Variants in RFX1 observed in about 807,000 individuals in gnomAD.
The protein encoded by RFX1 is regulatory factor X1.
RFX1 carries 42 observed loss-of-function variants against 119.6 expected under a neutral mutation model. The ratio of observed to expected loss-of-function variants is 0.35; its 90% CI spans 0.27 to 0.45. The LOEUF (loss-of-function observed/expected upper bound fraction) is 0.45, where lower values mean the gene tolerates loss of function less well. Among genes scored for constraint, RFX1 ranks in the 20% least tolerant of loss-of-function variants. The pLI is 1.00. For missense variants in RFX1, 1,118 were observed against 1,368.1 expected, an observed-to-expected ratio of 0.82 and a Z score of 2.88; for synonymous variants, 628 against 618.5, an observed-to-expected ratio of 1.02 and a Z score of -0.23.
Position 13,991,026 on chromosome 19 carries a change from T to G in RFX1, c.319+2499A>C, listed in dbSNP as rs77306519. On this transcript the variant is annotated intron_variant, in intron 2 of 20. Transcript: ENST00000254325. ...AAACAAAATGGGTGCTGTTCCACCT[T>G]GATGGGTGGATGGGAAGATCTGCAA... Among the ~76,000 whole-genome samples, 1,052 of 152,228 alleles carry G rather than the reference T, an allele frequency of 6.9e-3. 48 individuals carry two copies. The highest frequency in any genetic ancestry group is 0.062 in the Admixed American group (951 of 15,280).
At chr19:13,983,392 G>A in intron 3 of RFX1, 94 bp downstream of exon 3, 1 of 1,244,324 alleles carries the variant, frequency 8.0e-7, no homozygotes. Flanking sequence ...GGCTCCAGCA[G>A]GAAGCGGGGA....
At chr19:13,975,624 G>A (rs1328764071) in intron 8 of RFX1, among the ~76,000 whole-genome samples, 1 of 152,206 alleles carries the variant, frequency 6.6e-6, no homozygotes, top group Non-Finnish European at 1.5e-5. Flanking sequence ...ACCTGAGCAA[G>A]AGCCCCTACT....
intron 8 of RFX1, among the ~76,000 whole-genome samples, chr19:13,976,798 C>G (rs1019529098): frequency 6.6e-6 from 1 of 150,956 alleles, no homozygotes; most frequent in African/African-American, 2.4e-5. Context: ...TCCAAGAGTT[C>G]GAGGAGATGA....
chr19:13,983,003 T>C, intron 4 of RFX1, 184 bp downstream of exon 4: 1 of 583,136 alleles, frequency 1.7e-6, no homozygotes, highest in East Asian at 2.9e-5. Context: ...CCTCTGTCCC[T>C]GATGGCCCCT....
In RFX1 at chr19:13,986,591, G is replaced by A. The variant is rs749753471; in HGVS notation, c.320-2996C>T. ...AAGTGGGGGGTGGCACTGAGTCTGCGAGCGAGCGTCTGCATCTATCTGCCG... is the reference window on the plus strand; with the variant it reads ...AAGTGGGGGGTGGCACTGAGTCTGCAAGCGAGCGTCTGCATCTATCTGCCG... On this transcript the variant is annotated intron_variant, in intron 2 of 20. Coordinates refer to ENST00000254325, the MANE Select transcript of RFX1 (RefSeq NM_002918.5). The surrounding 1 kb of genome is among the most constrained non-coding windows in gnomAD (Gnocchi z 4.2). 9.2e-5 allele frequency among the ~76,000 whole-genome samples: 14 copies of A among 152,150 alleles called. No individual in the cohort carries two copies. Among genetic ancestry groups the A allele is most frequent in the Admixed American group, 4.6e-4 (7 of 15,278 alleles).
Position 13,968,754 on chromosome 19 carries a change from G to C in RFX1, c.1616+21C>G. 1 of 1,607,166 alleles carries C rather than the reference G, an allele frequency of 6.2e-7. No homozygotes were observed. Among genetic ancestry groups the C allele is most frequent in the Non-Finnish European group, 8.5e-7 (1 of 1,177,254 alleles). On this transcript the variant is annotated intron_variant, in intron 11 of 20. Transcript: ENST00000254325. The surrounding 1 kb of genome is among the most constrained non-coding windows in gnomAD (Gnocchi z 5.5). ...GCCCTTCCCCGCCTGCCCTGCCCTG[G>C]GTCCGGCCCTGCCTTCCTACCTCTG...
At position 13,965,457 on chromosome 19, in the gene RFX1, G is replaced by C. The variant is rs758801717; in HGVS notation, c.2203C>G (p.Arg735Gly). ...CCCCCTCACACTCTCACCTTCACCC[G>C]CAGCATCTCCTCGGGGATGTTGACC... ...AMVNIPEEML[R>G]VKVAAAGAFA... is the part of the protein sequence containing the mutation. Residue 735 changes from arginine to glycine, a missense_variant, in exon 16 of 21, where the codon CGG becomes GGG. Physicochemically the swap from Arg to Gly is moderately radical, Grantham distance 125. Around this residue, in one of 5 missense-constraint regions of RFX1, gnomAD observed 338 missense variants for 508.9 expected, o/e 0.66. Transcript: ENST00000254325. This position sits in a 1 kb window ranked among gnomAD's most constrained non-coding sequence, Gnocchi z 4.7. 6.2e-7 allele frequency: 1 copy of C among 1,613,586 alleles called. No individual in the cohort carries two copies. The highest frequency in any genetic ancestry group is 2.2e-5 in the East Asian group (1 of 44,876).
At chr19:13,970,661 CAAAAAAAAAAAAAAA>C (rs1167910642) in intron 9 of RFX1, among the ~76,000 whole-genome samples, 87 of 25,820 alleles carry the variant, frequency 3.4e-3, no homozygotes, top group South Asian at 0.02. Flanking sequence ...GACCTTGTCT[CAAAAAAAAAAAAAAA>C]AAAAAAAAAA....
At position 13,986,200 on chromosome 19, in the gene RFX1, C is replaced by A. The variant is rs1974588500; in HGVS notation, c.320-2605G>T. Among the ~76,000 whole-genome samples, 1 of 152,184 alleles carries A rather than the reference C, an allele frequency of 6.6e-6. No individual in the cohort carries two copies. Among genetic ancestry groups the A allele is most frequent in the Non-Finnish European group, 1.5e-5 (1 of 68,026 alleles). On this transcript the variant is annotated intron_variant, in intron 2 of 20. Coordinates refer to ENST00000254325, the MANE Select transcript of RFX1 (RefSeq NM_002918.5). This position sits in a 1 kb window ranked among gnomAD's most constrained non-coding sequence, Gnocchi z 4.2. Reference sequence around the variant, plus strand: ...CCAGCCTAAGGGATGGTGTCTCACCCAGGAAGCTCAAGGTGGGCAGGGAGT... The same window carrying A: ...CCAGCCTAAGGGATGGTGTCTCACCAAGGAAGCTCAAGGTGGGCAGGGAGT...
Position 13,966,522 on chromosome 19 carries a change from G to A in RFX1, c.1860C>T (p.Val620=), listed in dbSNP as rs530614498. 20 of 1,569,236 alleles carry A rather than the reference G, an allele frequency of 1.3e-5. No individual in the cohort carries two copies. Among genetic ancestry groups the A allele is most frequent in the African/African-American group, 2.7e-5 (2 of 73,668 alleles). The stretch of plus-strand genomic sequence containing the variant: ...TGAACTGCAGGTTCACCATGACGTC[G>A]ACAATGGCCTGTGGCAGAGGCGGAT... The part of the protein sequence containing the change: ...VLYREHCEAI[V]DVMVNLQFTL... Residue 620 remains valine (V), a synonymous_variant, in exon 14 of 21, where the codon GTC becomes GTT. Transcript: ENST00000254325. The surrounding 1 kb of genome is among the most constrained non-coding windows in gnomAD (Gnocchi z 6.3).
chr19:13,981,928 A>G (rs1974441627), intron 5 of RFX1, among the ~76,000 whole-genome samples, 193 bp downstream of exon 5: 1 of 152,234 alleles, frequency 6.6e-6, no homozygotes, highest in South Asian at 2.1e-4. Flanking sequence ...TGGCAGGGCC[A>G]GGAATTGGGC....
intron 1 of RFX1, chr19:13,998,223 A>G (rs1404439540): frequency 6.6e-6 from 1 of 152,144 alleles, no homozygotes; most frequent in African/African-American, 2.4e-5. Context: ...GGTGGCTCAC[A>G]CCTATAATTC....
chr19:13,972,849 G>A lies in RFX1; in HGVS notation c.1208C>T (p.Thr403Ile), dbSNP rs767683838. ...GCCTGCTCCGCTGCCGCCGCCTCCG[G>A]TGCTGCCACTGCCACCCCCGCCACC... ...GGGGGGGSGSTGGGGSGAGTY... is the reference protein window; with the variant it reads ...GGGGGGGSGSIGGGGSGAGTY... The change falls in exon 9 of 21, where the codon ACC becomes ATC. Residue 403 changes from threonine to isoleucine, a missense_variant. This residue lies in a region of RFX1 where 542 missense variants were observed against 602.7 expected (regional missense o/e 0.90). Transcript: ENST00000254325. 1.3e-6 allele frequency: 2 copies of A among 1,576,208 alleles called. No individual in the cohort carries two copies. The highest frequency in any genetic ancestry group is 1.7e-6 in the Non-Finnish European group (2 of 1,164,206).
intron 1 of RFX1, among the ~76,000 whole-genome samples, chr19:14,004,235 C>A (rs962050386): frequency 6.0e-5 from 9 of 150,464 alleles, no homozygotes; most frequent in Non-Finnish European, 1.3e-4. Flanking sequence ...GCTAGCCGGG[C>A]GCGGTGGCTC....
rs1411646110 is a variant in RFX1, at chr19:13,963,146, C to T, written c.2700G>A (p.Glu900=). The change falls in exon 19 of 21, where the codon GAG becomes GAA. Residue 900 remains glutamate, a synonymous_variant. Transcript: ENST00000254325. The stretch of plus-strand genomic sequence containing the variant: ...CCTCGCCCATGACGGCGATGGGGGT[C>T]TCGCCCTTGGCCTGGGCTACGCGGT... The part of the protein sequence containing the change: ...IEHRVAQAKG[E]TPIAVMGEFA... The T allele has an allele frequency of 1.2e-6, 2 of 1,612,130 alleles. No homozygotes were observed. The highest frequency in any genetic ancestry group is 2.2e-5 in the East Asian group (1 of 44,794).
intron 1 of RFX1, among the ~76,000 whole-genome samples, chr19:14,002,463 C>T (rs770658224): frequency 1.7e-4 from 25 of 151,324 alleles, no homozygotes; most frequent in Non-Finnish European, 2.7e-4. Context: ...CCATCCTGGG[C>T]GACAGAGTAG....
chr19:13,976,289 G>A (rs1453533888), intron 8 of RFX1, among the ~76,000 whole-genome samples: 1 of 152,222 alleles, frequency 6.6e-6, no homozygotes, highest in Non-Finnish European at 1.5e-5. Flanking sequence ...GTCCCCAGAA[G>A]AACAAGTGGC....
In RFX1 at chr19:13,986,246, T is replaced by A. The variant is rs1229265454; in HGVS notation, c.320-2651A>T. Among the ~76,000 whole-genome samples, 2 of 151,924 alleles carry A rather than the reference T, an allele frequency of 1.3e-5. No individual in the cohort carries two copies. The highest frequency in any genetic ancestry group is 2.9e-5 in the Non-Finnish European group (2 of 67,918). On this transcript the variant is annotated intron_variant, in intron 2 of 20. Transcript: ENST00000254325. The surrounding 1 kb of genome is among the most constrained non-coding windows in gnomAD (Gnocchi z 4.2). The stretch of plus-strand genomic sequence containing the variant: ...GGAGTGGGGGGCTGGCCCCCCACCC[T>A]CTCCAGGGCTCAGGGGCTGGTCGCT...
rs35165719 is a variant in RFX1, at chr19:13,994,719, A to ATGTGTGTG, written c.-52-832_-52-825dup. ...GACCCAAGACTCTGTCTAAATATAT[A>ATGTGTGTG]TGTGTGTGTGTGTGTGTGTGTGTGT... is the stretch of plus-strand genomic sequence containing the variant. On this transcript the variant is annotated intron_variant, in intron 1 of 20. Transcript: ENST00000254325. 3.3e-3 allele frequency among the ~76,000 whole-genome samples: 417 copies of ATGTGTGTG among 125,986 alleles called. 5 individuals carry two copies. Among genetic ancestry groups the ATGTGTGTG allele is most frequent in the East Asian group, 0.015 (63 of 4,260 alleles). The allele number at this position is 125,986 out of a possible 152,430, so 82.7% of individuals were successfully genotyped here.
Sources: allele counts gnomAD v4.1 joint callset (sites outside exome capture counted in the v4.1 genomes callset), GRCh38; gene constraint gnomAD v4.1.1; regional missense constraint gnomAD v4.1.1; non-coding constraint Gnocchi (gnomAD v3.1); transcripts MANE v1.5; gene names NCBI Gene and HGNC (gene_info 2026-07-23, HGNC 2026-07-21).